Variants in HHAT observed in about 807,000 individuals in gnomAD.
The protein encoded by HHAT is protein-cysteine N-palmitoyltransferase HHAT.
HHAT carries 47 observed loss-of-function variants against 70.8 expected under a neutral mutation model. That is an observed-to-expected ratio of 0.66 (90% CI 0.53 to 0.85). HHAT has a LOEUF of 0.85. Among genes scored for constraint, HHAT ranks in the 40% least tolerant of loss-of-function variants. The pLI is 0.00. For missense variants in HHAT, 609 were observed against 604.8 expected (o/e 1.01, Z -0.07); for synonymous variants, 228 against 247.6 (o/e 0.92, Z 0.74).
In HHAT at chr1:210,346,084, AAGC is replaced by A. The variant is rs1172565929; in HGVS notation, c.-43-2844_-43-2842del. On this transcript the variant is annotated intron_variant, in intron 1 of 11. Transcript: ENST00000261458. ...GTCTCCAGGAAGAAAAAAAAAAAAA[AAGC>A]AGCACCAAAATGAAAAATTATTAAA... 8.1e-5 allele frequency among the ~76,000 whole-genome samples: 12 copies of A among 147,470 alleles called. No individual in the cohort carries two copies. In the South Asian group the frequency reaches 1.3e-3, roughly 16 times the overall value.
chr1:210,610,518 A>G (rs1307640786), intron 10 of HHAT, among the ~76,000 whole-genome samples: 3 of 151,876 alleles, frequency 2.0e-5, no homozygotes, highest in Non-Finnish European at 2.9e-5. Context: ...TCTTTAGTTT[A>G]ATTAGATGCC....
At chr1:210,652,455 G>A (rs1300773314) in intron 11 of HHAT, among the ~76,000 whole-genome samples, 2 of 152,134 alleles carry the variant, frequency 1.3e-5, no homozygotes, top group Non-Finnish European at 2.9e-5. Flanking sequence ...CAGAACCCGG[G>A]GCCCACTGTG....
At chr1:210,410,750 T>A (rs1363365235) in intron 6 of HHAT, among the ~76,000 whole-genome samples, 1 of 151,860 alleles carries the variant, frequency 6.6e-6, no homozygotes, top group African/African-American at 2.4e-5. Context: ...AGTCTTGAAC[T>A]CCTGACCTCA....
chr1:210,412,997 A>C (rs1008249798), intron 6 of HHAT, among the ~76,000 whole-genome samples: 1 of 152,174 alleles, frequency 6.6e-6, no homozygotes, highest in Non-Finnish European at 1.5e-5. Context: ...CAGAGCCCAC[A>C]ATGTGAGGCA....
At chr1:210,454,748 G>C (rs742561) in intron 7 of HHAT, among the ~76,000 whole-genome samples, 13,975 of 152,194 alleles carry the variant, frequency 0.092, 693 homozygotes, top group South Asian at 0.12. Context: ...GGTAAATTGT[G>C]TCCTCCAGCA....
intron 4 of HHAT, among the ~76,000 whole-genome samples, chr1:210,395,005 A>C (rs1014103075): frequency 6.6e-6 from 1 of 152,020 alleles, no homozygotes; most frequent in African/African-American, 2.4e-5. Flanking sequence ...ATATGTATGT[A>C]TATATATAAT....
chr1:210,560,445 G>A (rs2095610951), intron 9 of HHAT, among the ~76,000 whole-genome samples: 1 of 151,954 alleles, frequency 6.6e-6, no homozygotes, highest in African/African-American at 2.4e-5. Context: ...CTTCTTGGGG[G>A]CTCACCCTAC....
At chr1:210,603,075 T>C (rs148870867) in intron 10 of HHAT, among the ~76,000 whole-genome samples, 100 of 152,364 alleles carry the variant, frequency 6.6e-4, no homozygotes, top group African/African-American at 2.4e-3. Flanking sequence ...CCTGGACTGA[T>C]GAGCGCCAGG....
rs182312105 is a variant in HHAT, at chr1:210,606,934, G to A, written c.1246-16592G>A. 5.0e-3 allele frequency among the ~76,000 whole-genome samples: 759 copies of A among 152,230 alleles called. 8 individuals carry two copies. The highest frequency in any genetic ancestry group is 4.2e-3 in the Admixed American group (65 of 15,298). Reference sequence around the variant, plus strand: ...TTTTTTGCTCTGGAAGCATTACTGCGAACATCTTCGGTATATATCTAAAAT... The same window carrying A: ...TTTTTTGCTCTGGAAGCATTACTGCAAACATCTTCGGTATATATCTAAAAT... On this transcript the variant is annotated intron_variant, in intron 10 of 11. Transcript: ENST00000261458.
intron 1 of HHAT, among the ~76,000 whole-genome samples, chr1:210,337,299 T>C (rs1159249656): frequency 6.6e-6 from 1 of 152,222 alleles, no homozygotes; most frequent in African/African-American, 2.4e-5. Context: ...ACAATCTGTT[T>C]TCTATAAATC....
At chr1:210,635,080 A>G (rs1038143520) in intron 11 of HHAT, among the ~76,000 whole-genome samples, 17 of 152,240 alleles carry the variant, frequency 1.1e-4, no homozygotes, top group Admixed American at 9.8e-4. Context: ...CCAAACTTCT[A>G]GCTATCACTT....
intron 11 of HHAT, among the ~76,000 whole-genome samples, chr1:210,666,632 C>T (rs913426332): frequency 3.3e-5 from 5 of 152,088 alleles, no homozygotes; most frequent in East Asian, 1.9e-4. Flanking sequence ...CACAGGTGCA[C>T]GCCACCACGC....
intron 10 of HHAT, among the ~76,000 whole-genome samples, chr1:210,596,954 A>G (rs1663146420): frequency 6.6e-6 from 1 of 152,156 alleles, no homozygotes; most frequent in South Asian, 2.1e-4. Flanking sequence ...CTTTGTGCCT[A>G]TCCTTCTTGG....
intron 3 of HHAT, among the ~76,000 whole-genome samples, chr1:210,376,474 G>A: frequency 6.6e-6 from 1 of 152,156 alleles, no homozygotes; most frequent in East Asian, 1.9e-4. Flanking sequence ...GTTGTAGCTT[G>A]TGTTTTAAAG....
At chr1:210,423,152 C>T (rs757919697) in intron 7 of HHAT, among the ~76,000 whole-genome samples, 2 of 152,096 alleles carry the variant, frequency 1.3e-5, no homozygotes, top group African/African-American at 4.8e-5. Context: ...CATACTGTTC[C>T]CCATAGCGGC....
intron 1 of HHAT, among the ~76,000 whole-genome samples, chr1:210,343,863 G>A (rs2086256869): frequency 1.3e-5 from 2 of 152,188 alleles, no homozygotes; most frequent in Admixed American, 6.5e-5. Flanking sequence ...CAGGGTCAGG[G>A]CTTAGGTAGG....
intron 6 of HHAT, among the ~76,000 whole-genome samples, chr1:210,414,080 C>T (rs184795288): frequency 6.6e-6 from 1 of 152,300 alleles, no homozygotes; most frequent in East Asian, 1.9e-4. Flanking sequence ...GTATTGCTCA[C>T]AGTTCTGGAG....
chr1:210,616,813 C>G (rs559688152), intron 10 of HHAT, among the ~76,000 whole-genome samples: 60 of 152,316 alleles, frequency 3.9e-4, no homozygotes, highest in African/African-American at 1.4e-3. Context: ...TCTAGTTCTT[C>G]ATTTGTAAAA....
intron 8 of HHAT, among the ~76,000 whole-genome samples, chr1:210,475,179 C>A (rs1047581520): frequency 1.3e-5 from 2 of 152,072 alleles, no homozygotes; most frequent in Non-Finnish European, 2.9e-5. Flanking sequence ...TTCTTATTAA[C>A]TAGGCAGACC....
Sources: gnomAD v4.1 joint callset for allele counts (sites outside exome capture counted in the v4.1 genomes callset) on GRCh38, gnomAD v4.1.1 for gene constraint, MANE v1.5 for transcripts, NCBI Gene and HGNC (gene_info 2026-07-23, HGNC 2026-07-21) for gene names.